Variants in GPC5 observed in about 807,000 individuals in gnomAD.
GPC5 encodes glypican 5, also known as glypican-5.
A neutral mutation model predicts 53.9 loss-of-function variants in GPC5; 47 were observed. The ratio of observed to expected loss-of-function variants is 0.87; its 90% CI spans 0.69 to 1.11. The LOEUF (loss-of-function observed/expected upper bound fraction) is 1.11, where lower values mean the gene tolerates loss of function less well. GPC5 is among the 50% of genes most tolerant of loss of function. The pLI, the probability that GPC5 is intolerant of heterozygous loss-of-function variation, is 0.00. For missense variants in GPC5, 748 were observed against 713.1 expected (o/e 1.05, Z -0.56); for synonymous variants, 286 against 263.3 (o/e 1.09, Z -0.84).
chr13:92,634,245 T>C (rs1331292016), intron 7 of GPC5, among the ~76,000 whole-genome samples: 2 of 152,094 alleles, frequency 1.3e-5, no homozygotes, highest in Admixed American at 1.3e-4. Flanking sequence ...AATTCCAAGA[T>C]TACCTTTCTC....
chr13:91,829,424 A>G (rs934895710), intron 5 of GPC5, among the ~76,000 whole-genome samples: 13 of 152,080 alleles, frequency 8.5e-5, no homozygotes, highest in Admixed American at 3.3e-4. Flanking sequence ...CATAATGAGG[A>G]CATAATGAGA....
At chr13:92,232,656 G>T (rs1479303331) in intron 7 of GPC5, among the ~76,000 whole-genome samples, 1 of 152,158 alleles carries the variant, frequency 6.6e-6, no homozygotes, top group Non-Finnish European at 1.5e-5. Context: ...AAGGATAGAG[G>T]CATCCCATGG....
At chr13:91,508,203 C>T (rs971724679) in intron 2 of GPC5, among the ~76,000 whole-genome samples, 1 of 152,092 alleles carries the variant, frequency 6.6e-6, no homozygotes, top group Non-Finnish European at 1.5e-5. Flanking sequence ...TAGCTAACAA[C>T]AAAACTTACT....
intron 3 of GPC5, among the ~76,000 whole-genome samples, chr13:91,705,755 G>A (rs781183327): frequency 1.8e-4 from 27 of 147,202 alleles, no homozygotes; most frequent in Non-Finnish European, 3.6e-4. Flanking sequence ...AGTAGTAACT[G>A]TTAAGAAAAA....
chr13:91,700,838 A>T (rs2035976680), intron 3 of GPC5, among the ~76,000 whole-genome samples: 1 of 152,200 alleles, frequency 6.6e-6, no homozygotes, highest in Non-Finnish European at 1.5e-5. Flanking sequence ...ACAATCTCTT[A>T]TCCCAATATT....
intron 6 of GPC5, among the ~76,000 whole-genome samples, chr13:92,008,218 A>T (rs569760308): frequency 6.6e-6 from 1 of 151,672 alleles, no homozygotes. Flanking sequence ...GCCCGCTACC[A>T]CGCCCGGCTA....
At chr13:92,338,795 A>G (rs2148524) in intron 7 of GPC5, among the ~76,000 whole-genome samples, 61,290 of 151,808 alleles carry the variant, frequency 0.4, 12,514 homozygotes, top group Middle Eastern at 0.51. Flanking sequence ...ATCATTTTGC[A>G]TAGTGCCCTA....
chr13:92,135,663 G>A (rs1188580507), intron 6 of GPC5, among the ~76,000 whole-genome samples: 1 of 152,132 alleles, frequency 6.6e-6, no homozygotes, highest in African/African-American at 2.4e-5. Flanking sequence ...AATATTCTGT[G>A]TACAAATTCA....
chr13:92,127,222 G>A (rs1259220360), intron 6 of GPC5, among the ~76,000 whole-genome samples: 2 of 151,412 alleles, frequency 1.3e-5, no homozygotes, highest in African/African-American at 4.9e-5. Flanking sequence ...TTAAAAGGAA[G>A]CTAGTTTGAA....
rs1044410272 is a variant in GPC5, at chr13:91,600,342, A to T, written c.326-92845A>T. 5.6e-3 allele frequency among the ~76,000 whole-genome samples: 280 copies of T among 50,198 alleles called. 1 individual carries two copies. The highest frequency in any genetic ancestry group is 0.016 in the African/African-American group (267 of 16,884). 32.9% of individuals were successfully genotyped at this position (50,198 alleles called of 152,430 possible). On this transcript the variant is annotated intron_variant, in intron 2 of 7. Transcript: ENST00000377067. ...GAGAGAGAGAGAGAGAGAGAGAGAGAGAGAGAGTGTGTGTGTGTGTGTGTG... is the reference window on the plus strand; with the variant it reads ...GAGAGAGAGAGAGAGAGAGAGAGAGTGAGAGAGTGTGTGTGTGTGTGTGTG...
chr13:92,811,251 T>C (rs1286252733), intron 7 of GPC5, among the ~76,000 whole-genome samples: 1 of 151,938 alleles, frequency 6.6e-6, no homozygotes, highest in African/African-American at 2.4e-5. Context: ...ATTGCTGAAA[T>C]TGTTAGGTCG....
chr13:91,763,877 C>G (rs1362291157), intron 5 of GPC5, among the ~76,000 whole-genome samples: 1 of 152,118 alleles, frequency 6.6e-6, no homozygotes, highest in Non-Finnish European at 1.5e-5. Context: ...TGCTCAAGTC[C>G]CAGCTATAAA....
chr13:91,696,682 T>C (rs183323030), intron 3 of GPC5, among the ~76,000 whole-genome samples: 1 of 152,156 alleles, frequency 6.6e-6, no homozygotes, highest in African/African-American at 2.4e-5. Flanking sequence ...CTGATATATA[T>C]ATAAAATACT....
chr13:92,586,783 G>A (rs1437570333), intron 7 of GPC5, among the ~76,000 whole-genome samples: 2 of 152,170 alleles, frequency 1.3e-5, no homozygotes, highest in Non-Finnish European at 2.9e-5. Flanking sequence ...AGGGCTAGGA[G>A]AGAAACGGAA....
rs375728943 is a variant in GPC5, at chr13:92,627,316, T to C, written c.1562-238966T>C. On this transcript the variant is annotated intron_variant, in intron 7 of 7. Transcript: ENST00000377067. ...ATGGCATTATTTATCATTTCTGCAA[T>C]GGCATAATTACTCAGCGTGGCAGCT... Among the ~76,000 whole-genome samples the C allele has an allele frequency of 5.3e-5, 8 of 152,354 alleles. No individual in the cohort carries two copies. The East Asian group carries it at 9.6e-4, about 18-fold the overall frequency.
At chr13:92,806,082 A>G (rs2138792646) in intron 7 of GPC5, among the ~76,000 whole-genome samples, 1 of 152,200 alleles carries the variant, frequency 6.6e-6, no homozygotes, top group African/African-American at 2.4e-5. Flanking sequence ...TTCCATTGAA[A>G]ATCTATTGTT....
chr13:92,747,529 T>G (rs1889269498), intron 7 of GPC5, among the ~76,000 whole-genome samples: 1 of 147,822 alleles, frequency 6.8e-6, no homozygotes, highest in Non-Finnish European at 1.5e-5. Flanking sequence ...TGCATTGACC[T>G]CCTCCTCTCT....
At chr13:92,627,995 G>T (rs919423801) in intron 7 of GPC5, among the ~76,000 whole-genome samples, 2 of 152,104 alleles carry the variant, frequency 1.3e-5, no homozygotes, top group African/African-American at 4.8e-5. Flanking sequence ...TACCTAGACT[G>T]AAGGTGTTGA....
At chr13:91,753,821 G>T (rs1387462476) in intron 4 of GPC5, among the ~76,000 whole-genome samples, 1 of 152,008 alleles carries the variant, frequency 6.6e-6, no homozygotes, top group African/African-American at 2.4e-5. Context: ...CTGAAATACT[G>T]CCTTGTTTTG....
Sources: gnomAD v4.1 joint callset for allele counts (sites outside exome capture counted in the v4.1 genomes callset) on GRCh38, gnomAD v4.1.1 for gene constraint, MANE v1.5 for transcripts, NCBI Gene and HGNC (gene_info 2026-07-23, HGNC 2026-07-21) for gene names.